The following CNTN5 variants were observed in gnomAD, a reference collection of about 807,000 sequenced individuals.
The protein encoded by CNTN5 is contactin 5, also known as contactin-5.
CNTN5 carries 77 observed loss-of-function variants against 129.1 expected under a neutral mutation model. The ratio of observed to expected loss-of-function variants is 0.60; its 90% confidence interval spans 0.50 to 0.72. The LOEUF is 0.72. Among genes scored for constraint, CNTN5 ranks in the 30% least tolerant of loss-of-function variants. The probability of loss-of-function intolerance (pLI) is 0.00; values close to 1 mark genes in which losing one functional copy is unlikely to be tolerated. For synonymous variants in CNTN5, 509 were observed against 465.6 expected (o/e 1.09, Z -1.20); for missense variants, 1,478 against 1,328.8 (o/e 1.11, Z -1.75).
chr11:99,790,490 A>C (rs1945701485), intron 3 of CNTN5, among the ~76,000 whole-genome samples: 1 of 152,116 alleles, frequency 6.6e-6, no homozygotes, highest in African/African-American at 2.4e-5. Context: ...CATTGCTACA[A>C]AAGACATAGT....
intron 15 of CNTN5, among the ~76,000 whole-genome samples, chr11:100,205,358 C>T (rs1444373630): frequency 6.6e-6 from 1 of 151,996 alleles, no homozygotes; most frequent in Non-Finnish European, 1.5e-5. Flanking sequence ...GCACAAAAAT[C>T]AGCTTTAGGA....
intron 2 of CNTN5, among the ~76,000 whole-genome samples, chr11:99,352,075 A>G (rs1776845157): frequency 6.6e-6 from 1 of 152,248 alleles, no homozygotes; most frequent in Non-Finnish European, 1.5e-5. Context: ...AAGACAGTAA[A>G]TGCCCAGCAT....
chr11:99,192,297 G>C (rs2135594962), intron 1 of CNTN5, among the ~76,000 whole-genome samples: 2 of 151,838 alleles, frequency 1.3e-5, no homozygotes, highest in South Asian at 4.2e-4. Flanking sequence ...AAAATGCCTA[G>C]ACACAGGCAA....
At chr11:99,311,339 G>A (rs1013449679) in intron 1 of CNTN5, among the ~76,000 whole-genome samples, 7 of 152,062 alleles carry the variant, frequency 4.6e-5, no homozygotes, top group Non-Finnish European at 2.9e-5. Context: ...ATACTTTAAT[G>A]TCCATATATA....
chr11:99,367,768 T>C (rs1463901800), intron 2 of CNTN5, among the ~76,000 whole-genome samples: 1 of 152,002 alleles, frequency 6.6e-6, no homozygotes, highest in Non-Finnish European at 1.5e-5. Context: ...ATTTAATGAA[T>C]ATTGGAATTA....
At chr11:99,166,533 TA>T in intron 1 of CNTN5, among the ~76,000 whole-genome samples, 1 of 152,214 alleles carries the variant, frequency 6.6e-6, no homozygotes, top group Non-Finnish European at 1.5e-5. Context: ...AATTGTGTAC[TA>T]AATGTATACT....
At chr11:99,465,474 G>C (rs1287890146) in intron 2 of CNTN5, among the ~76,000 whole-genome samples, 1 of 151,592 alleles carries the variant, frequency 6.6e-6, no homozygotes, top group Non-Finnish European at 1.5e-5. Flanking sequence ...TTTCATTATA[G>C]TTTCTATAAT....
chr11:99,371,702 T>G (rs1939836790), intron 2 of CNTN5, among the ~76,000 whole-genome samples: 2 of 152,188 alleles, frequency 1.3e-5, no homozygotes, highest in African/African-American at 4.8e-5. Flanking sequence ...AGTTTCACCT[T>G]GAGTAATTTT....
At chr11:99,654,871 T>A (rs1952292676) in intron 3 of CNTN5, among the ~76,000 whole-genome samples, 1 of 145,810 alleles carries the variant, frequency 6.9e-6, no homozygotes. Flanking sequence ...CAAGTCAGTG[T>A]GTTGAGAAAC....
At chr11:99,134,929 C>G (rs1859142073) in intron 1 of CNTN5, among the ~76,000 whole-genome samples, 1 of 152,152 alleles carries the variant, frequency 6.6e-6, no homozygotes, top group African/African-American at 2.4e-5. Flanking sequence ...AATGCAGAAA[C>G]TCTAAAAGAT....
chr11:99,277,171 C>A (rs2135876734), intron 1 of CNTN5, among the ~76,000 whole-genome samples: 1 of 151,666 alleles, frequency 6.6e-6, no homozygotes, highest in South Asian at 2.1e-4. Flanking sequence ...GAATTAGAAG[C>A]AATACAGGTA....
chr11:100,162,474 G>C (rs77571196), intron 13 of CNTN5, among the ~76,000 whole-genome samples: 2,096 of 151,866 alleles, frequency 0.014, 38 homozygotes, highest in African/African-American at 0.035. Context: ...AAACTAGCTG[G>C]CTTCATGAAT....
intron 2 of CNTN5, among the ~76,000 whole-genome samples, chr11:99,400,544 A>C (rs956376025): frequency 6.6e-6 from 1 of 152,136 alleles, no homozygotes; most frequent in Non-Finnish European, 1.5e-5. Context: ...CAAACATGGG[A>C]GTGCAGATAT....
chr11:100,328,212 T>C (rs1951828960), intron 21 of CNTN5, among the ~76,000 whole-genome samples: 1 of 151,740 alleles, frequency 6.6e-6, no homozygotes, highest in Non-Finnish European at 1.5e-5. Context: ...AAAAATTAGC[T>C]GGGTGTGTTG....
chr11:99,166,892 C>T (rs553996185), intron 1 of CNTN5, among the ~76,000 whole-genome samples: 7 of 151,744 alleles, frequency 4.6e-5, no homozygotes, highest in Non-Finnish European at 8.8e-5. Context: ...AAAATCCACA[C>T]GAAACAGCCT....
At chr11:99,731,310 A>C (rs995031223) in intron 3 of CNTN5, among the ~76,000 whole-genome samples, 2 of 151,608 alleles carry the variant, frequency 1.3e-5, no homozygotes, top group Non-Finnish European at 2.9e-5. Context: ...ACGGGGTTTC[A>C]CTGTGTTAGC....
intron 1 of CNTN5, among the ~76,000 whole-genome samples, chr11:99,103,625 C>T (rs562300244): frequency 1.3e-5 from 2 of 152,084 alleles, no homozygotes; most frequent in East Asian, 1.9e-4. Flanking sequence ...AGGATTTGTC[C>T]AAATCTTAAC....
chr11:100,064,149 T>C (rs1236395267), intron 10 of CNTN5, among the ~76,000 whole-genome samples: 1 of 152,182 alleles, frequency 6.6e-6, no homozygotes, highest in Non-Finnish European at 1.5e-5. Context: ...ATTCTATCTG[T>C]TAGAAGTACA....
At chr11:99,275,019 T>G (rs1863359034) in intron 1 of CNTN5, among the ~76,000 whole-genome samples, 1 of 151,480 alleles carries the variant, frequency 6.6e-6, no homozygotes, top group South Asian at 2.1e-4. Flanking sequence ...TTTTATATAT[T>G]TCTGTATTTA....
Sources: gnomAD v4.1 joint callset for allele counts (sites outside exome capture counted in the v4.1 genomes callset) on GRCh38, gnomAD v4.1.1 for gene constraint, MANE v1.5 for transcripts, NCBI Gene and HGNC (gene_info 2026-07-23, HGNC 2026-07-21) for gene names.